Variants in MICAL3 observed in about 807,000 individuals in gnomAD.
MICAL3 encodes the protein microtubule associated monooxygenase, calponin and LIM domain containing 3.
Under a neutral mutation model 207.4 loss-of-function variants are expected in MICAL3, and 62 were observed. The observed-to-expected ratio is 0.30, with a 90% CI of 0.24 to 0.37. The LOEUF (loss-of-function observed/expected upper bound fraction) is 0.37, where lower values mean the gene tolerates loss of function less well. Among genes scored for constraint, MICAL3 ranks in the 10% least tolerant of loss-of-function variants. The probability of loss-of-function intolerance (pLI) is 1.00; values close to 1 mark genes in which losing one functional copy is unlikely to be tolerated. For synonymous variants in MICAL3, 1,077 were observed against 1,069.3 expected, an observed-to-expected ratio of 1.01 and a Z score of -0.14; for missense variants, 2,368 against 2,635.6, an observed-to-expected ratio of 0.90 and a Z score of 2.22.
chr22:17,864,877 C>A lies in MICAL3; in HGVS notation c.2605+22G>T, dbSNP rs762561695. ...GCCGAGGGAGTGACGCGCCACCCAG[C>A]CAAACAAGGAAGTGAGGCTACCTGG... On this transcript the variant is annotated intron_variant, in intron 19 of 31. Coordinates refer to ENST00000441493, the MANE Select transcript of MICAL3 (RefSeq NM_015241.3). 11 of 1,613,716 alleles carry A rather than the reference C, an allele frequency of 6.8e-6. No individual in the cohort carries two copies. In the Admixed American group the frequency reaches 1.7e-4, roughly 24 times the overall value.
intron 29 of MICAL3, 45 bp downstream of exon 29, chr22:17,808,799 A>T: frequency 1.3e-6 from 2 of 1,497,414 alleles, no homozygotes; most frequent in Non-Finnish European, 1.8e-6. Context: ...GGCGGGAGGG[A>T]GGGCTTCCTC....
chr22:17,869,515 G>T (rs1927501502), intron 17 of MICAL3, among the ~76,000 whole-genome samples: 1 of 152,154 alleles, frequency 6.6e-6, no homozygotes, highest in Non-Finnish European at 1.5e-5. Context: ...CTTAAGAGCT[G>T]GCAGCGATCA....
chr22:17,966,315 C>A (rs1341143292), intron 1 of MICAL3, among the ~76,000 whole-genome samples: 2 of 152,140 alleles, frequency 1.3e-5, no homozygotes, highest in Non-Finnish European at 2.9e-5. Flanking sequence ...GGTGTGGTTC[C>A]CCACACCTGA....
intron 1 of MICAL3, among the ~76,000 whole-genome samples, chr22:17,928,449 AAAGAAAG>A (rs1933041020): frequency 3.7e-5 from 5 of 134,582 alleles, no homozygotes; most frequent in Admixed American, 7.2e-5. Flanking sequence ...AAAAAAAAAG[AAAGAAAG>A]AAAGAAAGAA....
intron 16 of MICAL3, among the ~76,000 whole-genome samples, chr22:17,874,171 T>C (rs1227591718): frequency 6.6e-6 from 1 of 152,216 alleles, no homozygotes; most frequent in Admixed American, 6.5e-5. Context: ...TTATAGCTTT[T>C]AATTCAAAAA....
At chr22:17,899,193 G>C in intron 7 of MICAL3, 1 of 532,582 alleles carries the variant, frequency 1.9e-6, no homozygotes, top group South Asian at 1.9e-5. Flanking sequence ...CTGGCCACGT[G>C]TTGAGAACTG....
chr22:17,913,959 T>C (rs768091840), intron 1 of MICAL3, among the ~76,000 whole-genome samples: 3 of 152,114 alleles, frequency 2.0e-5, no homozygotes, highest in African/African-American at 7.2e-5. Flanking sequence ...AGGCTCACCA[T>C]CCTACAGTCT....
In MICAL3 at chr22:17,893,960, TCCTA is replaced by T. The variant is rs1293779021; in HGVS notation, c.1450-60_1450-57del. The T allele has an allele frequency of 9.9e-6, 13 of 1,317,590 alleles. No individual in the cohort carries two copies. In the African/African-American group the frequency reaches 1.5e-4, roughly 15 times the overall value. 81.6% of individuals were successfully genotyped at this position (1,317,590 alleles called of 1,614,324 possible). The stretch of plus-strand genomic sequence containing the variant: ...GAAAATCAAATATCAAGTAACAAAT[TCCTA>T]CCTAAGAGCAGAATGGCTGAAAGGA... On this transcript the variant is annotated intron_variant, in intron 10 of 31. Transcript: ENST00000441493.
intron 1 of MICAL3, among the ~76,000 whole-genome samples, chr22:18,018,096 G>C (rs893593237): frequency 6.6e-6 from 1 of 151,386 alleles, no homozygotes; most frequent in Non-Finnish European, 1.5e-5. Context: ...GGCTGGTCTT[G>C]AACTCCTGAC....
intron 1 of MICAL3, among the ~76,000 whole-genome samples, chr22:17,981,140 T>C (rs899420490): frequency 7.2e-5 from 11 of 152,214 alleles, no homozygotes; most frequent in Non-Finnish European, 1.0e-4. Context: ...CAGCACACAA[T>C]GGTAATAACA....
chr22:17,868,850 T>G (rs945423748), intron 17 of MICAL3, among the ~76,000 whole-genome samples: 1 of 150,544 alleles, frequency 6.6e-6, no homozygotes, highest in African/African-American at 2.5e-5. Flanking sequence ...GACAGACTGG[T>G]TCTCCACTGA....
At position 17,817,512 on chromosome 22, in the gene MICAL3, C is replaced by T. The variant is rs200164491; in HGVS notation, c.5149G>A (p.Glu1717Lys). Residue 1717 changes from glutamate to lysine, a missense_variant, in exon 26 of 32, where the codon GAG becomes AAG. Transcript: ENST00000441493. ...RNKKEKKSKG[E>K]GRPPEKPSSN... Reference sequence around the variant, plus strand: ...CTGGGCTTCTCCGGGGGCCGGCCCTCGCCTTTGGACTTCTTCTCCTTCTTG... The same window carrying T: ...CTGGGCTTCTCCGGGGGCCGGCCCTTGCCTTTGGACTTCTTCTCCTTCTTG... 1.4e-3 allele frequency: 2,211 copies of T among 1,613,606 alleles called. 3 individuals are homozygous for T. Among genetic ancestry groups the T allele is most frequent in the Middle Eastern group, 3.8e-3 (23 of 6,062 alleles).
intron 1 of MICAL3, among the ~76,000 whole-genome samples, chr22:17,950,396 C>T (rs560026354): frequency 7.0e-5 from 9 of 128,226 alleles, no homozygotes; most frequent in Admixed American, 9.3e-5. Context: ...CAGGCTGGAG[C>T]GCAATTGATC....
At chr22:17,797,504 A>G (rs935615421) in intron 29 of MICAL3, among the ~76,000 whole-genome samples, 2 of 152,082 alleles carry the variant, frequency 1.3e-5, no homozygotes, top group African/African-American at 4.8e-5. Flanking sequence ...AAATAAATAA[A>G]TAAGTAATAA....
intron 1 of MICAL3, among the ~76,000 whole-genome samples, chr22:17,989,273 T>G (rs1287193677): frequency 1.3e-5 from 2 of 152,140 alleles, no homozygotes; most frequent in Non-Finnish European, 2.9e-5. Flanking sequence ...TACCTTACCT[T>G]GCCCTTGCAG....
intron 23 of MICAL3, 114 bp from the exon 24 acceptor site, chr22:17,822,284 G>A (rs1921727834): frequency 7.6e-7 from 1 of 1,313,630 alleles, no homozygotes; most frequent in African/African-American, 1.5e-5. Context: ...TCAGGTGCAG[G>A]CCTGGAGGCC....
At chr22:17,962,747 G>T (rs898819563) in intron 1 of MICAL3, among the ~76,000 whole-genome samples, 4 of 121,886 alleles carry the variant, frequency 3.3e-5, no homozygotes, top group African/African-American at 8.9e-5. Flanking sequence ...TACACAGGGC[G>T]GCATAAAAAC....
At chr22:17,939,032 T>C (rs542991603) in intron 1 of MICAL3, among the ~76,000 whole-genome samples, 22 of 152,262 alleles carry the variant, frequency 1.4e-4, no homozygotes, top group African/African-American at 4.6e-4. Context: ...CAGGAAGTCA[T>C]TGGGATTAAT....
intron 1 of MICAL3, among the ~76,000 whole-genome samples, chr22:17,928,789 G>A (rs1933060074): frequency 6.6e-6 from 1 of 152,086 alleles, no homozygotes; most frequent in Non-Finnish European, 1.5e-5. Flanking sequence ...CAAATGACTG[G>A]CACCCTTAGA....
Sources: gnomAD v4.1 joint callset for allele counts (sites outside exome capture counted in the v4.1 genomes callset) on GRCh38, gnomAD v4.1.1 for gene constraint, MANE v1.5 for transcripts, NCBI Gene and HGNC (gene_info 2026-07-23, HGNC 2026-07-21) for gene names.